VPS37A: variants seen among roughly 807,000 people sequenced by gnomAD.
VPS37A encodes the protein vacuolar protein sorting-associated protein 37A.
A neutral mutation model predicts 49.8 loss-of-function variants in VPS37A; 30 were observed. That is an observed-to-expected ratio of 0.60 (90% CI 0.45 to 0.82). The LOEUF (loss-of-function observed/expected upper bound fraction) is 0.82. Among genes scored for constraint, VPS37A ranks in the 40% least tolerant of loss-of-function variants. The pLI is 0.00. For missense variants in VPS37A, 593 were observed against 464.4 expected (o/e 1.28, Z -2.55); for synonymous variants, 195 against 160.6 (o/e 1.21, Z -1.62).
At chr8:17,333,074 C>T in the VPS37A span, among the ~76,000 whole-genome samples, 1 of 152,012 alleles carries the variant, frequency 6.6e-6, no homozygotes, top group Non-Finnish European at 1.5e-5. Flanking sequence ...CATAGGAGCC[C>T]AGGCTGGCAG....
At chr8:17,313,266 A>C in the VPS37A span, 1 of 1,546,706 alleles carries the variant, frequency 6.5e-7, no homozygotes, top group South Asian at 1.1e-5. Flanking sequence ...TCTGTCCCTT[A>C]ATTTATTTTC....
Position 17,246,966 on chromosome 8 carries a change from G to C in VPS37A, c.-279G>C. 2.2e-6 allele frequency: 1 copy of C among 461,980 alleles called. No homozygotes were observed. Among genetic ancestry groups the C allele is most frequent in the Non-Finnish European group, 3.9e-6 (1 of 256,582 alleles). The allele number at this position is 461,980 out of a possible 1,614,324, so 28.6% of individuals were successfully genotyped here. On this transcript the variant is annotated 5_prime_UTR_variant, in exon 1 of 12. Coordinates refer to ENST00000324849, the MANE Select transcript of VPS37A (RefSeq NM_152415.3). Reference sequence around the variant, plus strand: ...GGCGCGGGTGGTGGAGCGCTGGGCGGCCAGGCTCCCTGGCTGGCCGGTTTG... The same window carrying C: ...GGCGCGGGTGGTGGAGCGCTGGGCGCCCAGGCTCCCTGGCTGGCCGGTTTG...
chr8:17,305,315 C>G (rs1817379282), downstream of VPS37A, among the ~76,000 whole-genome samples: 1 of 152,224 alleles, frequency 6.6e-6, no homozygotes, highest in East Asian at 1.9e-4. Flanking sequence ...TTTTAAAGTC[C>G]ACAATTTATC....
At chr8:17,281,906 A>G (rs1374921777) in intron 9 of VPS37A, among the ~76,000 whole-genome samples, 1 of 152,070 alleles carries the variant, frequency 6.6e-6, no homozygotes, top group African/African-American at 2.4e-5. Flanking sequence ...TTCTAAGACT[A>G]TTTAGAGCAG....
At chr8:17,309,355 G>A in the VPS37A span, 2 of 1,480,958 alleles carry the variant, frequency 1.4e-6, no homozygotes, top group Non-Finnish European at 1.9e-6. Flanking sequence ...AAATATCTTG[G>A]AGAGAAGCAA....
the VPS37A span, among the ~76,000 whole-genome samples, chr8:17,315,455 G>A: frequency 1.3e-5 from 2 of 152,118 alleles, no homozygotes; most frequent in African/African-American, 4.8e-5. Context: ...AGAGGGAACC[G>A]TACAGTGGAC....
At chr8:17,265,615 A>G (rs1332514642) in intron 1 of VPS37A, among the ~76,000 whole-genome samples, 2 of 152,192 alleles carry the variant, frequency 1.3e-5, no homozygotes, top group Admixed American at 6.5e-5. Context: ...GCTAATGGTA[A>G]ATTGGATAGA....
At chr8:17,319,756 G>A in the VPS37A span, among the ~76,000 whole-genome samples, 1 of 152,156 alleles carries the variant, frequency 6.6e-6, no homozygotes, top group African/African-American at 2.4e-5. Flanking sequence ...GTGGTGAGAC[G>A]AGGCTCCAGT....
intron 1 of VPS37A, among the ~76,000 whole-genome samples, chr8:17,262,334 A>G (rs900193636): frequency 6.6e-6 from 1 of 152,150 alleles, no homozygotes. Flanking sequence ...TCTAAAGCAT[A>G]TTAAGGTCTA....
the VPS37A span, among the ~76,000 whole-genome samples, chr8:17,321,450 A>T: frequency 6.6e-6 from 1 of 152,194 alleles, no homozygotes; most frequent in African/African-American, 2.4e-5. Context: ...TAACCCCACC[A>T]GTTTCTCAAG....
the VPS37A span, among the ~76,000 whole-genome samples, chr8:17,329,531 C>A: frequency 2.6e-5 from 4 of 152,208 alleles, no homozygotes. Context: ...CAAAGATTAC[C>A]CATTTAAAAA....
At chr8:17,273,492 G>C (rs1037383918) in intron 4 of VPS37A, among the ~76,000 whole-genome samples, 12 of 151,876 alleles carry the variant, frequency 7.9e-5, no homozygotes, top group Non-Finnish European at 1.6e-4. Context: ...TCAGCCTCCC[G>C]AGTAGCTGGG....
At chr8:17,255,332 T>A (rs977322895) in intron 1 of VPS37A, among the ~76,000 whole-genome samples, 1 of 151,994 alleles carries the variant, frequency 6.6e-6, no homozygotes, top group Non-Finnish European at 1.5e-5. Flanking sequence ...AATATAAATA[T>A]TAGCCGGGCA....
chr8:17,261,337 C>G (rs1402609436), intron 1 of VPS37A, among the ~76,000 whole-genome samples: 1 of 152,128 alleles, frequency 6.6e-6, no homozygotes, highest in Non-Finnish European at 1.5e-5. Flanking sequence ...TTACTTAAAT[C>G]TCTTTGTTAA....
intron 11 of VPS37A, among the ~76,000 whole-genome samples, chr8:17,293,543 T>C (rs374852211): frequency 5.9e-5 from 9 of 152,192 alleles, no homozygotes; most frequent in East Asian, 5.8e-4. Flanking sequence ...GGCTTTCTGG[T>C]TTTTTGAATT....
In VPS37A at chr8:17,258,007, G is replaced by A. The variant is rs540932912; in HGVS notation, c.126-7900G>A. Among the ~76,000 whole-genome samples the A allele has an allele frequency of 3.3e-5, 5 of 152,170 alleles. No individual in the cohort carries two copies. In the East Asian group the frequency reaches 7.7e-4, roughly 23 times the overall value. On this transcript the variant is annotated intron_variant, in intron 1 of 11. Transcript: ENST00000324849. ...TGTATCCTGCAACTTTACTGAATTG[G>A]TTTATCATTTCTAACAGGTTTTTTG...
chr8:17,271,113 A>G (rs936494270), intron 4 of VPS37A, among the ~76,000 whole-genome samples: 21 of 152,152 alleles, frequency 1.4e-4, no homozygotes, highest in African/African-American at 5.1e-4. Flanking sequence ...AATGGAAATG[A>G]TTCTTCATAG....
chr8:17,310,045 G>C, the VPS37A span, among the ~76,000 whole-genome samples: 1 of 152,030 alleles, frequency 6.6e-6, no homozygotes, highest in Non-Finnish European at 1.5e-5. Context: ...CAGCCACGTA[G>C]GCTGGAGTGC....
chr8:17,301,551 T>C (rs550996660), downstream of VPS37A: 1 of 152,350 alleles, frequency 6.6e-6, no homozygotes, highest in Non-Finnish European at 1.5e-5. Flanking sequence ...ATTTTGACTT[T>C]GTAATAAGGA....
Sources: gnomAD v4.1 joint callset for allele counts (sites outside exome capture counted in the v4.1 genomes callset) on GRCh38, gnomAD v4.1.1 for gene constraint, MANE v1.5 for transcripts, NCBI Gene and HGNC (gene_info 2026-07-23, HGNC 2026-07-21) for gene names.